The following MTSS1 variants were observed in gnomAD, a reference collection of about 807,000 sequenced individuals.
The protein encoded by MTSS1 is MTSS I-BAR domain containing 1.
A neutral mutation model predicts 79.0 loss-of-function variants in MTSS1; 18 were observed. That is an observed-to-expected ratio of 0.23 (90% CI 0.16 to 0.34). The LOEUF is 0.34. Ranked by LOEUF, MTSS1 falls within the 10% of genes least tolerant of loss-of-function variation. MTSS1 has a pLI of 1.00. For missense variants in MTSS1, 815 were observed against 986.2 expected (o/e 0.83, Z 2.33); for synonymous variants, 341 against 368.6 (o/e 0.93, Z 0.86).
intron 3 of MTSS1, among the ~76,000 whole-genome samples, chr8:124,613,130 C>A (rs1202751278): frequency 6.6e-6 from 1 of 152,150 alleles, no homozygotes; most frequent in East Asian, 1.9e-4. Flanking sequence ...GAGAGCAGAA[C>A]AATTGGCTCA....
intron 3 of MTSS1, among the ~76,000 whole-genome samples, chr8:124,689,036 G>C (rs974639365): frequency 6.6e-6 from 1 of 151,562 alleles, no homozygotes; most frequent in East Asian, 1.9e-4. Flanking sequence ...TCTTGAAGTA[G>C]TGTATACAAA....
intron 12 of MTSS1, 124 bp from the exon 13 acceptor site, chr8:124,556,028 C>T (rs967134659): frequency 6.5e-7 from 1 of 1,542,592 alleles, no homozygotes; most frequent in Non-Finnish European, 8.7e-7. Context: ...GCTTGGGTCC[C>T]ACTCTGACCC....
At chr8:124,677,037 G>T (rs977498489) in intron 3 of MTSS1, among the ~76,000 whole-genome samples, 2 of 152,124 alleles carry the variant, frequency 1.3e-5, no homozygotes, top group Non-Finnish European at 2.9e-5. Flanking sequence ...AGAAAAAAAA[G>T]GGAGTGCTAA....
At chr8:124,623,195 A>G (rs1813955672) in intron 3 of MTSS1, among the ~76,000 whole-genome samples, 1 of 152,206 alleles carries the variant, frequency 6.6e-6, no homozygotes, top group South Asian at 2.1e-4. Context: ...GTTTAACTTC[A>G]ACCCTATTTC....
chr8:124,649,632 T>G (rs974368843), intron 3 of MTSS1, among the ~76,000 whole-genome samples: 43 of 152,108 alleles, frequency 2.8e-4, no homozygotes, highest in African/African-American at 9.2e-4. Flanking sequence ...TACTGACCAC[T>G]GTTACTCAAG....
chr8:124,703,926 T>C (rs1394470890), intron 2 of MTSS1, among the ~76,000 whole-genome samples: 3 of 152,216 alleles, frequency 2.0e-5, no homozygotes, highest in Non-Finnish European at 4.4e-5. Context: ...AAAGCAGACA[T>C]GAATGAGTCC....
At chr8:124,684,179 T>C (rs1407702293) in intron 3 of MTSS1, among the ~76,000 whole-genome samples, 1 of 152,228 alleles carries the variant, frequency 6.6e-6, no homozygotes, top group East Asian at 1.9e-4. Context: ...TAGTGTCTGA[T>C]ACCACGGCCA....
chr8:124,569,472 A>T (rs1827272829), intron 6 of MTSS1, among the ~76,000 whole-genome samples: 1 of 152,220 alleles, frequency 6.6e-6, no homozygotes, highest in South Asian at 2.1e-4. Flanking sequence ...CCTAAAAGAT[A>T]AACATGGACC....
chr8:124,699,429 TG>T (rs11358821), intron 3 of MTSS1, 96 bp downstream of exon 3: 324,185 of 1,120,242 alleles, frequency 0.29, 48,278 homozygotes, highest in East Asian at 0.5. Context: ...AGCTCAGCTC[TG>T]ATAACTTAAG....
chr8:124,609,165 A>T (rs1835345052), intron 3 of MTSS1, among the ~76,000 whole-genome samples: 1 of 152,212 alleles, frequency 6.6e-6, no homozygotes, highest in Admixed American at 6.5e-5. Context: ...ATGTCCTGAG[A>T]CAGTAAATAT....
At position 124,583,255 on chromosome 8, in the gene MTSS1, C is replaced by T. The variant is rs927386466; in HGVS notation, c.460+1832G>A. On this transcript the variant is annotated intron_variant, in intron 6 of 13. Coordinates refer to ENST00000518547, the MANE Select transcript of MTSS1 (RefSeq NM_014751.6). The stretch of plus-strand genomic sequence containing the variant: ...GTCAGGCCAATGTGCCCTAAGAAAC[C>T]ACACAACTGAATGCCAATCATTCCC... 2.0e-5 allele frequency among the ~76,000 whole-genome samples: 3 copies of T among 152,288 alleles called. No individual in the cohort carries two copies. The South Asian group carries it at 6.2e-4, about 32-fold the overall frequency.
intron 6 of MTSS1, among the ~76,000 whole-genome samples, chr8:124,580,857 T>C (rs1829915932): frequency 6.6e-6 from 1 of 152,154 alleles, no homozygotes; most frequent in Non-Finnish European, 1.5e-5. Context: ...ATGAAGAATA[T>C]ATACCCAGAA....
intron 3 of MTSS1, among the ~76,000 whole-genome samples, chr8:124,591,559 C>T (rs1418013291): frequency 2.0e-5 from 3 of 152,246 alleles, no homozygotes; most frequent in Middle Eastern, 3.4e-3. Context: ...ACCTATAAAT[C>T]GACCATGACC....
rs1225096066 is a variant in MTSS1 at position 124,688,516 on chromosome 8, T to C, written c.208+11010A>G. Among the ~76,000 whole-genome samples the C allele has an allele frequency of 3.3e-5, 5 of 152,114 alleles. No homozygotes were observed. In the East Asian group the frequency reaches 9.6e-4, roughly 29 times the overall value. ...TGTCAAATGAAACAAATGATTAAAA[T>C]GTAAGCAAAAATAGCCTCCCCCCTT... On this transcript the variant is annotated intron_variant, in intron 3 of 13. Coordinates refer to ENST00000518547, the MANE Select transcript of MTSS1 (RefSeq NM_014751.6).
At chr8:124,666,009 C>T (rs139583466) in intron 3 of MTSS1, among the ~76,000 whole-genome samples, 2 of 152,288 alleles carry the variant, frequency 1.3e-5, no homozygotes, top group East Asian at 3.9e-4. Context: ...AAATATTAGA[C>T]CCTATTTCAC....
At chr8:124,560,657 A>G (rs1394429526) in intron 10 of MTSS1, among the ~76,000 whole-genome samples, 1 of 152,202 alleles carries the variant, frequency 6.6e-6, no homozygotes, top group African/African-American at 2.4e-5. Context: ...TCTCAAAAAA[A>G]ACGAACAAAA....
Position 124,599,111 on chromosome 8 carries a change from G to T in MTSS1, c.209-7876C>A, listed in dbSNP as rs1325877659. On this transcript the variant is annotated intron_variant, in intron 3 of 13. Coordinates refer to ENST00000518547, the MANE Select transcript of MTSS1 (RefSeq NM_014751.6). ...TGCCCTTGCCGCCTGCTGATGGAAG[G>T]GACCCTGTGCGCTTGAACAGCAGCT... is the stretch of plus-strand genomic sequence containing the variant. Among the ~76,000 whole-genome samples the T allele has an allele frequency of 2.0e-5, 3 of 152,200 alleles. No homozygotes were observed. In the East Asian group the frequency reaches 5.8e-4, roughly 29 times the overall value.
chr8:124,610,500 C>T (rs1835611662), intron 3 of MTSS1, among the ~76,000 whole-genome samples: 1 of 152,118 alleles, frequency 6.6e-6, no homozygotes, highest in Non-Finnish European at 1.5e-5. Flanking sequence ...AACAGTCAGC[C>T]CTGGGATTTC....
At chr8:124,573,454 C>T (rs1347594356) in intron 6 of MTSS1, among the ~76,000 whole-genome samples, 3 of 152,236 alleles carry the variant, frequency 2.0e-5, no homozygotes, top group South Asian at 2.1e-4. Context: ...ATTTGATTGA[C>T]GTCAGTCTCC....
Sources: gnomAD v4.1 joint callset for allele counts (sites outside exome capture counted in the v4.1 genomes callset) on GRCh38, gnomAD v4.1.1 for gene constraint, MANE v1.5 for transcripts, NCBI Gene and HGNC (gene_info 2026-07-23, HGNC 2026-07-21) for gene names.